LRP1B: variants seen among roughly 807,000 people sequenced by gnomAD.
LRP1B encodes low-density lipoprotein receptor-related protein 1B.
A neutral mutation model predicts 556.6 loss-of-function variants in LRP1B; 217 were observed. The ratio of observed to expected loss-of-function variants is 0.39; its 90% CI spans 0.35 to 0.44. LRP1B has a LOEUF of 0.44. LRP1B is among the 20% of genes least tolerant of loss of function. The pLI, the probability that LRP1B is intolerant of heterozygous loss-of-function variation, is 1.00. For synonymous variants in LRP1B, 2,047 were observed against 1,865.8 expected (o/e 1.10, Z -2.50); for missense variants, 5,053 against 5,620.8 (o/e 0.90, Z 3.23).
intron 3 of LRP1B, among the ~76,000 whole-genome samples, chr2:141,261,717 G>A (rs1684694855): frequency 6.7e-6 from 1 of 149,314 alleles, no homozygotes; most frequent in South Asian, 2.2e-4. Flanking sequence ...TTAGTATTAG[G>A]TAGTTCTCCC....
chr2:140,297,232 T>G (rs1278660234), intron 84 of LRP1B, among the ~76,000 whole-genome samples: 4 of 152,134 alleles, frequency 2.6e-5, no homozygotes, highest in Admixed American at 1.3e-4. Flanking sequence ...TTAGATGGTT[T>G]CTATTCATAT....
intron 3 of LRP1B, among the ~76,000 whole-genome samples, chr2:141,339,315 G>T (rs1481481866): frequency 7.5e-6 from 1 of 132,692 alleles, no homozygotes; most frequent in Non-Finnish European, 1.6e-5. Flanking sequence ...AAAAAAAAAA[G>T]CATTCAAAAC....
At chr2:141,659,906 T>C (rs1383427800) in intron 2 of LRP1B, among the ~76,000 whole-genome samples, 1 of 151,868 alleles carries the variant, frequency 6.6e-6, no homozygotes. Flanking sequence ...AATAAAAGCA[T>C]TGAAAACAGG....
chr2:140,305,643 T>C (rs1684034093), intron 83 of LRP1B, among the ~76,000 whole-genome samples: 1 of 152,162 alleles, frequency 6.6e-6, no homozygotes, highest in African/African-American at 2.4e-5. Flanking sequence ...ATACCCTTTA[T>C]TTCTTTCTCC....
intron 41 of LRP1B, among the ~76,000 whole-genome samples, chr2:140,665,613 T>C (rs969637307): frequency 5.9e-5 from 9 of 152,154 alleles, no homozygotes; most frequent in Non-Finnish European, 1.3e-4. Flanking sequence ...TTGCAGAGCT[T>C]TTGGGGAACT....
intron 1 of LRP1B, among the ~76,000 whole-genome samples, chr2:142,057,057 T>C (rs1704702635): frequency 6.6e-6 from 1 of 152,170 alleles, no homozygotes; most frequent in Admixed American, 6.6e-5. Context: ...CTTTTTAAAT[T>C]CTGTCATCTA....
At chr2:141,642,351 T>C (rs759882555) in intron 2 of LRP1B, among the ~76,000 whole-genome samples, 1 of 152,162 alleles carries the variant, frequency 6.6e-6, no homozygotes, top group Non-Finnish European at 1.5e-5. Flanking sequence ...GGGAATTACA[T>C]ATGTTAAAGT....
chr2:141,047,197 C>T (rs570457734), intron 11 of LRP1B, among the ~76,000 whole-genome samples: 1 of 152,124 alleles, frequency 6.6e-6, no homozygotes, highest in African/African-American at 2.4e-5. Context: ...TCTGCTATCA[C>T]ATTAAGAGAA....
intron 1 of LRP1B, among the ~76,000 whole-genome samples, chr2:141,968,569 C>T (rs780134843): frequency 1.3e-4 from 20 of 151,276 alleles, no homozygotes; most frequent in East Asian, 7.8e-4. Flanking sequence ...TTTATCCTGA[C>T]GTGTATTTCT....
At chr2:141,441,551 C>T (rs1377573487) in intron 3 of LRP1B, among the ~76,000 whole-genome samples, 2 of 152,144 alleles carry the variant, frequency 1.3e-5, no homozygotes, top group Admixed American at 1.3e-4. Context: ...GAGAATAAGA[C>T]AAATGGTTTG....
chr2:140,890,977 T>G (rs1273998139), intron 23 of LRP1B, among the ~76,000 whole-genome samples: 2 of 152,120 alleles, frequency 1.3e-5, no homozygotes, highest in Non-Finnish European at 2.9e-5. Flanking sequence ...TAGCCATCCA[T>G]TTTTACTGTT....
chr2:141,225,598 C>T (rs952132163), intron 6 of LRP1B, among the ~76,000 whole-genome samples: 1 of 152,048 alleles, frequency 6.6e-6, no homozygotes, highest in Non-Finnish European at 1.5e-5. Flanking sequence ...TAGAAAACAC[C>T]TAACTCCAAA....
At chr2:141,083,132 GCAAAAAC>G (rs1699966390) in intron 7 of LRP1B, among the ~76,000 whole-genome samples, 1 of 152,124 alleles carries the variant, frequency 6.6e-6, no homozygotes, top group African/African-American at 2.4e-5. Flanking sequence ...TATTTGAATA[GCAAAAAC>G]CATTTCTATT....
rs563966300 is a variant in LRP1B at position 141,855,754 on chromosome 2, C to T, written c.83-45353G>A. 1.3e-3 allele frequency among the ~76,000 whole-genome samples: 196 copies of T among 152,102 alleles called. 1 individual carries two copies. The highest frequency in any genetic ancestry group is 2.5e-3 in the Non-Finnish European group (169 of 68,014). ...ATGACTCTCCTCCTCCCTTACGCCA[C>T]ATCCAAACAAGTGAAGTCTGGATTT... On this transcript the variant is annotated intron_variant, in intron 1 of 90. Coordinates refer to ENST00000389484, the MANE Select transcript of LRP1B (RefSeq NM_018557.3).
Position 141,588,157 on chromosome 2 carries a change from T to A in LRP1B, c.206-107624A>T, listed in dbSNP as rs569436100. Among the ~76,000 whole-genome samples the A allele has an allele frequency of 4.1e-4, 63 of 152,354 alleles. 1 individual carries two copies. Among genetic ancestry groups the A allele is most frequent in the African/African-American group, 1.5e-3 (63 of 41,582 alleles). On this transcript the variant is annotated intron_variant, in intron 2 of 90. Transcript: ENST00000389484. ...TAAGTTATCTTGAGATATATACTCT[T>A]GTCCAAACACTGCAATGTGTCCACA...
At chr2:141,494,933 T>G (rs924447240) in intron 2 of LRP1B, among the ~76,000 whole-genome samples, 1 of 151,734 alleles carries the variant, frequency 6.6e-6, no homozygotes, top group Non-Finnish European at 1.5e-5. Context: ...ATGTATCAAC[T>G]AAAGATATCT....
chr2:141,939,920 T>C (rs976453568), intron 1 of LRP1B, among the ~76,000 whole-genome samples: 1 of 152,150 alleles, frequency 6.6e-6, no homozygotes, highest in African/African-American at 2.4e-5. Flanking sequence ...GACAAGCTTA[T>C]GAAAATGATT....
chr2:141,437,328 G>A (rs571560171), intron 3 of LRP1B, among the ~76,000 whole-genome samples: 1 of 152,144 alleles, frequency 6.6e-6, no homozygotes, highest in East Asian at 1.9e-4. Context: ...AGTACCGAAG[G>A]AAGGAAAATA....
chr2:140,504,762 C>T (rs1689335669), intron 53 of LRP1B, among the ~76,000 whole-genome samples: 3 of 152,152 alleles, frequency 2.0e-5, no homozygotes, highest in African/African-American at 7.2e-5. Context: ...TGAAGTCTGA[C>T]ACATTCTGTA....
Sources: gnomAD v4.1 joint callset for allele counts (sites outside exome capture counted in the v4.1 genomes callset) on GRCh38, gnomAD v4.1.1 for gene constraint, MANE v1.5 for transcripts, NCBI Gene and HGNC (gene_info 2026-07-23, HGNC 2026-07-21) for gene names.